HTR4: variants seen among roughly 807,000 people sequenced by gnomAD.
HTR4 encodes 5-hydroxytryptamine receptor 4.
Under a neutral mutation model 36.8 loss-of-function variants are expected in HTR4, and 16 were observed. The ratio of observed to expected loss-of-function variants is 0.43; its 90% CI spans 0.29 to 0.66. The LOEUF (loss-of-function observed/expected upper bound fraction) is 0.66. Among genes scored for constraint, HTR4 ranks in the 30% least tolerant of loss-of-function variants. HTR4 has a pLI of 0.13. For synonymous variants in HTR4, 189 were observed against 185.1 expected (o/e 1.02, Z -0.17); for missense variants, 438 against 490.9 (o/e 0.89, Z 1.02).
chr5:148,611,304 G>A (rs1581543248), intron 2 of HTR4, among the ~76,000 whole-genome samples: 2 of 152,132 alleles, frequency 1.3e-5, no homozygotes, highest in Middle Eastern at 3.4e-3. Flanking sequence ...TCAAAGGGAA[G>A]CCCATCAGAC....
chr5:148,497,513 C>T (rs1158053658), intron 6 of HTR4, among the ~76,000 whole-genome samples: 2 of 152,048 alleles, frequency 1.3e-5, no homozygotes, highest in African/African-American at 4.8e-5. Flanking sequence ...ACAATGTTGA[C>T]CACAAGAGAT....
intron 1 of HTR4, among the ~76,000 whole-genome samples, chr5:148,640,626 T>A (rs1358867534): frequency 2.0e-5 from 3 of 152,188 alleles, no homozygotes; most frequent in African/African-American, 7.2e-5. Context: ...TTAAGATAAT[T>A]TTACACTTGA....
At chr5:148,541,502 C>T (rs1759114243) in intron 4 of HTR4, among the ~76,000 whole-genome samples, 1 of 152,180 alleles carries the variant, frequency 6.6e-6, no homozygotes, top group Admixed American at 6.5e-5. Context: ...TGATTCAATA[C>T]TCCATGGGAG....
At position 148,507,504 on chromosome 5, in the gene HTR4, C is replaced by T. The variant is rs558952517; in HGVS notation, c.1076+1952G>A. On this transcript the variant is annotated intron_variant, in intron 6 of 6. Transcript: ENST00000377888. Reference sequence around the variant, plus strand: ...AAACCTGCACGTTGTGGACATGTACCCTAGAACTTAAAGTATAATAAAAAA... The same window carrying T: ...AAACCTGCACGTTGTGGACATGTACTCTAGAACTTAAAGTATAATAAAAAA... Among the ~76,000 whole-genome samples the T allele has an allele frequency of 9.9e-5, 15 of 151,042 alleles. 1 individual carries two copies. The highest frequency in any genetic ancestry group is 3.6e-4 in the African/African-American group (15 of 41,146).
At chr5:148,601,644 C>T (rs1761999657) in intron 2 of HTR4, among the ~76,000 whole-genome samples, 1 of 151,942 alleles carries the variant, frequency 6.6e-6, no homozygotes, top group African/African-American at 2.4e-5. Flanking sequence ...TTGCTAAAAA[C>T]ACAAAAATTA....
chr5:148,548,563 G>A, intron 4 of HTR4, 105 bp downstream of exon 4: 2 of 959,720 alleles, frequency 2.1e-6, no homozygotes, highest in South Asian at 3.1e-5. Context: ...TTACCTCTCT[G>A]AGATTCATTT....
intron 4 of HTR4, among the ~76,000 whole-genome samples, chr5:148,544,134 T>G (rs1759253484): frequency 6.6e-6 from 1 of 151,156 alleles, no homozygotes; most frequent in Non-Finnish European, 1.5e-5. Context: ...CAACCCCAAT[T>G]TAACTGACCA....
intron 6 of HTR4, among the ~76,000 whole-genome samples, chr5:148,491,575 T>A (rs974106666): frequency 6.6e-6 from 1 of 152,022 alleles, no homozygotes; most frequent in Non-Finnish European, 1.5e-5. Flanking sequence ...ATTAGCAGCG[T>A]CCCTGGCCTC....
At chr5:148,481,478 CT>C, downstream of HTR4, 1 of 1,220,242 alleles carries the variant, frequency 8.2e-7, no homozygotes, top group South Asian at 1.4e-5. Context: ...GGCTATTTTC[CT>C]TCCCTAAAAC....
At chr5:148,652,204 C>T (rs545850414) in intron 1 of HTR4, among the ~76,000 whole-genome samples, 19 of 152,154 alleles carry the variant, frequency 1.2e-4, no homozygotes, top group African/African-American at 4.6e-4. Flanking sequence ...AACGTGGTAG[C>T]AGTGGGAATA....
intron 5 of HTR4, among the ~76,000 whole-genome samples, chr5:148,456,722 T>C (rs1755110398): frequency 6.6e-6 from 1 of 152,222 alleles, no homozygotes. Context: ...TCCGGAATCA[T>C]TAAGAATACA....
At chr5:148,606,198 G>A (rs1323721336) in intron 2 of HTR4, among the ~76,000 whole-genome samples, 1 of 152,130 alleles carries the variant, frequency 6.6e-6, no homozygotes, top group East Asian at 1.9e-4. Flanking sequence ...ACTTTGAAAG[G>A]CAGTGATAGG....
chr5:148,618,669 A>C (rs1489943197), intron 2 of HTR4, among the ~76,000 whole-genome samples: 1 of 152,178 alleles, frequency 6.6e-6, no homozygotes, highest in South Asian at 2.1e-4. Flanking sequence ...AACCTTGCAC[A>C]CACCTTTAAC....
chr5:148,607,018 T>G (rs995599101), intron 2 of HTR4, among the ~76,000 whole-genome samples: 3 of 152,216 alleles, frequency 2.0e-5, no homozygotes, highest in African/African-American at 7.2e-5. Flanking sequence ...GGCAATCCTT[T>G]TTTCAGTTAA....
rs1372824009 is a variant in HTR4, at chr5:148,482,533, T to C, written c.*670A>G. On this transcript the variant is annotated 3_prime_UTR_variant, in exon 7 of 7. Transcript: ENST00000377888. ...CCCTGTGTCTTCCATGGAAAATAAA[T>C]GGAGCATGTCCTGAAGAGGAGGACA... The C allele has an allele frequency of 1.0e-6, 1 of 985,402 alleles. No individual in the cohort carries two copies. The highest frequency in any genetic ancestry group is 1.2e-6 in the Non-Finnish European group (1 of 830,080). 61.0% of individuals were successfully genotyped at this position (985,402 alleles called of 1,614,324 possible). A position where few individuals can be genotyped will look rare whatever the true frequency, so the allele number is the denominator to read the frequency against.
At chr5:148,504,671 CA>C (rs1359233966) in intron 6 of HTR4, among the ~76,000 whole-genome samples, 9 of 151,948 alleles carry the variant, frequency 5.9e-5, no homozygotes, top group African/African-American at 2.2e-4. Flanking sequence ...AATAGAGACA[CA>C]AAAAACCCTT....
chr5:148,522,766 C>T (rs1758082412), intron 5 of HTR4, among the ~76,000 whole-genome samples: 1 of 152,000 alleles, frequency 6.6e-6, no homozygotes, highest in African/African-American at 2.4e-5. Flanking sequence ...TAGAAAACAT[C>T]AGGAGTAAGA....
intron 2 of HTR4, among the ~76,000 whole-genome samples, chr5:148,612,770 G>T (rs1179613793): frequency 2.1e-5 from 3 of 140,792 alleles, no homozygotes; most frequent in African/African-American, 7.9e-5. Context: ...CAACAAAATT[G>T]ATAGACCGCT....
chr5:148,458,090 T>TAAA (rs1561558862), intron 5 of HTR4, among the ~76,000 whole-genome samples: 3 of 51,018 alleles, frequency 5.9e-5, no homozygotes, highest in African/African-American at 9.8e-5. Context: ...TTAAAATATA[T>TAAA]TATATTTTAA....
Sources: allele counts gnomAD v4.1 joint callset (sites outside exome capture counted in the v4.1 genomes callset), GRCh38; gene constraint gnomAD v4.1.1; transcripts MANE v1.5; gene names NCBI Gene and HGNC (gene_info 2026-07-23, HGNC 2026-07-21).